The following NF1 variants were observed in gnomAD, a reference collection of about 807,000 sequenced individuals.
The protein encoded by NF1 is neurofibromin 1.
A neutral mutation model predicts 325.7 loss-of-function variants in NF1; 122 were observed. The ratio of observed to expected loss-of-function variants is 0.37; its 90% CI spans 0.32 to 0.44. NF1 has a LOEUF of 0.44. NF1 is among the 20% of genes least tolerant of loss of function. The pLI is 1.00. For synonymous variants in NF1, 1,091 were observed against 1,186.0 expected, an observed-to-expected ratio of 0.92 and a Z score of 1.65; for missense variants, 2,140 against 3,415.4, an observed-to-expected ratio of 0.63 and a Z score of 9.31.
chr17:31,113,150 A>G (rs1474113578), intron 1 of NF1, among the ~76,000 whole-genome samples: 5 of 152,172 alleles, frequency 3.3e-5, no homozygotes. Context: ...GAGTCCATGG[A>G]TCAACTTTGG....
chr17:31,271,314 A>C (rs1312311260), intron 36 of NF1, among the ~76,000 whole-genome samples: 1 of 152,242 alleles, frequency 6.6e-6, no homozygotes, highest in African/African-American at 2.4e-5. Context: ...TATACATTAC[A>C]AAGGTTAGCA....
chr17:31,374,487 A>G lies in NF1; in HGVS notation c.*332A>G, dbSNP rs1162968129. 1.3e-5 allele frequency: 6 copies of G among 449,582 alleles called. No individual in the cohort carries two copies. Among genetic ancestry groups the G allele is most frequent in the Non-Finnish European group, 2.5e-5 (6 of 242,398 alleles). The allele number at this position is 449,582 out of a possible 1,614,324, so 27.8% of individuals were successfully genotyped here. On this transcript the variant is annotated 3_prime_UTR_variant, in exon 58 of 58. Transcript: ENST00000358273. ...GGATGAATTCTTGAATACTGCTACTACTGGCCAGTGATGAAAGCCATTTGC... is the reference window on the plus strand; with the variant it reads ...GGATGAATTCTTGAATACTGCTACTGCTGGCCAGTGATGAAAGCCATTTGC...
At chr17:31,157,973 A>AG (rs2065695631) in intron 2 of NF1, among the ~76,000 whole-genome samples, 1 of 152,120 alleles carries the variant, frequency 6.6e-6, no homozygotes, top group East Asian at 1.9e-4. Context: ...TCAAAAAAAA[A>AG]AAGTTAACTA....
At chr17:31,107,631 T>C (rs560007430) in intron 1 of NF1, among the ~76,000 whole-genome samples, 22 of 152,152 alleles carry the variant, frequency 1.4e-4, no homozygotes, top group East Asian at 1.9e-4. Flanking sequence ...ATAAAAACAT[T>C]TGAAGACATC....
chr17:31,339,583 T>G lies in NF1; in HGVS notation c.6921+778T>G, dbSNP rs541453349. Among the ~76,000 whole-genome samples the G allele has an allele frequency of 1.5e-4, 23 of 152,310 alleles. No homozygotes were observed. In the South Asian group the frequency reaches 4.6e-3, roughly 30 times the overall value. ...GTCTACAAGCATTCTAATTTTGTAT[T>G]ATACAAAATGGTTCTCTGGTCCCCA... is the stretch of plus-strand genomic sequence containing the variant. On this transcript the variant is annotated intron_variant, in intron 46 of 57. Transcript: ENST00000358273.
In NF1 at chr17:31,124,576, A is replaced by T. The variant is rs535248903; in HGVS notation, c.60+29207A>T. 4.2e-3 allele frequency among the ~76,000 whole-genome samples: 520 copies of T among 124,080 alleles called. 4 individuals are homozygous for T. Among genetic ancestry groups the T allele is most frequent in the South Asian group, 0.015 (58 of 3,820 alleles). The allele number at this position is 124,080 out of a possible 152,430, so 81.4% of individuals were successfully genotyped here. A position where few individuals can be genotyped will look rare whatever the true frequency, so the allele number is the denominator to read the frequency against. ...TTATAAACAATGCTTCAGGAAGCAT[A>T]TATTTGTATTCTTGAATTTTTTTTT... On this transcript the variant is annotated intron_variant, in intron 1 of 57. Transcript: ENST00000358273.
intron 36 of NF1, chr17:31,313,886 T>A (rs922062977): frequency 2.5e-6 from 1 of 394,040 alleles, no homozygotes; most frequent in Non-Finnish European, 4.5e-6. Flanking sequence ...ATCTTTAGAC[T>A]ATCAGAGTTT....
intron 35 of NF1, 97 bp downstream of exon 35, chr17:31,261,954 G>A (rs544297330): frequency 1.7e-6 from 2 of 1,196,172 alleles, no homozygotes; most frequent in Non-Finnish European, 2.5e-6. Context: ...AAGACTATGA[G>A]GAAAGATGTA....
At chr17:31,307,326 A>T (rs891449618) in intron 36 of NF1, among the ~76,000 whole-genome samples, 1 of 152,198 alleles carries the variant, frequency 6.6e-6, no homozygotes, top group Non-Finnish European at 1.5e-5. Flanking sequence ...GCCCAATTAC[A>T]ATAATTTGAT....
At chr17:31,278,390 C>CT (rs1200023322) in intron 36 of NF1, 1 of 76,138 alleles carries the variant, frequency 1.3e-5, no homozygotes, top group Admixed American at 1.3e-4. Flanking sequence ...TTTCTTTGGT[C>CT]TTTTTGGATT....
intron 8 of NF1, among the ~76,000 whole-genome samples, chr17:31,186,488 G>C (rs1445844229): frequency 6.6e-6 from 1 of 152,202 alleles, no homozygotes; most frequent in Non-Finnish European, 1.5e-5. Context: ...CCAGATGTGC[G>C]ATTATATACT....
chr17:31,174,253 G>A (rs1258968812), intron 5 of NF1, among the ~76,000 whole-genome samples: 1 of 152,114 alleles, frequency 6.6e-6, no homozygotes, highest in Non-Finnish European at 1.5e-5. Context: ...TGTTACTTGC[G>A]TTAAAATGCA....
intron 8 of NF1, among the ~76,000 whole-genome samples, chr17:31,192,024 C>T (rs1468407897): frequency 6.6e-6 from 1 of 152,062 alleles, no homozygotes; most frequent in Non-Finnish European, 1.5e-5. Flanking sequence ...CATTTTTAGT[C>T]TGTAAATGTT....
intron 36 of NF1, among the ~76,000 whole-genome samples, chr17:31,281,448 A>G (rs1157368039): frequency 1.3e-5 from 2 of 152,198 alleles, no homozygotes; most frequent in Non-Finnish European, 2.9e-5. Context: ...GTCTCAATTG[A>G]TCATTTATAT....
intron 13 of NF1, among the ~76,000 whole-genome samples, chr17:31,216,671 C>A (rs1032497985): frequency 6.6e-6 from 1 of 152,050 alleles, no homozygotes; most frequent in African/African-American, 2.4e-5. Flanking sequence ...AGCTTGAACC[C>A]TTTTAGTTGA....
chr17:31,095,398 G>T, intron 1 of NF1, 29 bp downstream of exon 1: 1 of 1,535,380 alleles, frequency 6.5e-7, no homozygotes, highest in Non-Finnish European at 8.7e-7. Context: ...GCGGGAGGTG[G>T]GAGCGGAGTG....
intron 36 of NF1, among the ~76,000 whole-genome samples, chr17:31,303,199 C>T (rs1359042195): frequency 6.6e-6 from 1 of 152,006 alleles, no homozygotes; most frequent in Non-Finnish European, 1.5e-5. Context: ...TGCTTGTTTC[C>T]CCCTGGAGTT....
chr17:31,372,902 G>C (rs568160068), intron 57 of NF1, among the ~76,000 whole-genome samples: 43 of 152,278 alleles, frequency 2.8e-4, no homozygotes, highest in Admixed American at 2.5e-3. Flanking sequence ...TGTAGTCCTA[G>C]CTGTTTGGGA....
chr17:31,369,296 TC>T (rs2070589135), intron 57 of NF1, among the ~76,000 whole-genome samples: 1 of 152,230 alleles, frequency 6.6e-6, no homozygotes, highest in African/African-American at 2.4e-5. Flanking sequence ...TGTAATCTAA[TC>T]CTTTTCCCCA....
Sources: gnomAD v4.1 joint callset for allele counts (sites outside exome capture counted in the v4.1 genomes callset) on GRCh38, gnomAD v4.1.1 for gene constraint, MANE v1.5 for transcripts, NCBI Gene and HGNC (gene_info 2026-07-23, HGNC 2026-07-21) for gene names.